CNOT2: variants seen among roughly 807,000 people sequenced by gnomAD.
CNOT2 encodes CCR4-NOT transcription complex subunit 2.
CNOT2 carries 7 observed loss-of-function variants against 72.1 expected under a neutral mutation model. The observed-to-expected ratio is 0.10, with a 90% CI of 0.06 to 0.18. The LOEUF is 0.18. Among genes scored for constraint, CNOT2 ranks in the 10% least tolerant of loss-of-function variants. The probability of loss-of-function intolerance (pLI) is 1.00; values close to 1 mark genes in which losing one functional copy is unlikely to be tolerated. For synonymous variants in CNOT2, 196 were observed against 225.6 expected (o/e 0.87, Z 1.17); for missense variants, 345 against 660.3 (o/e 0.52, Z 5.23).
chr12:70,313,042 C>T (rs1482912983), intron 3 of CNOT2, among the ~76,000 whole-genome samples: 1 of 151,838 alleles, frequency 6.6e-6, no homozygotes, highest in Non-Finnish European at 1.5e-5. Flanking sequence ...CTGTAATCAC[C>T]ACTCTCCATG....
At chr12:70,311,921 C>T (rs767419222) in intron 3 of CNOT2, among the ~76,000 whole-genome samples, 12 of 151,942 alleles carry the variant, frequency 7.9e-5, no homozygotes, top group Non-Finnish European at 1.8e-4. Flanking sequence ...TGAAGTTGAT[C>T]ATTAGTAAAT....
intron 1 of CNOT2, among the ~76,000 whole-genome samples, chr12:70,261,309 T>C (rs1313357034): frequency 3.5e-5 from 4 of 114,106 alleles, no homozygotes; most frequent in East Asian, 2.7e-4. Flanking sequence ...TTCTTTCTTT[T>C]TTTTTTTTTT....
At chr12:70,314,436 G>T (rs1012680553) in intron 3 of CNOT2, among the ~76,000 whole-genome samples, 4 of 152,012 alleles carry the variant, frequency 2.6e-5, no homozygotes, top group Non-Finnish European at 5.9e-5. Context: ...TGTGAGGGGG[G>T]CACTGAAGTG....
At chr12:70,348,103 TACAC>T (rs913098876) in intron 15 of CNOT2, 1 of 152,190 alleles carries the variant, frequency 6.6e-6, no homozygotes, top group African/African-American at 2.4e-5. Flanking sequence ...TATGTTTATA[TACAC>T]ACACACATGC....
At position 70,285,844 on chromosome 12, in the gene CNOT2, A is replaced by C. The variant is rs530340294; in HGVS notation, c.48+7570A>C. 3.8e-4 allele frequency among the ~76,000 whole-genome samples: 58 copies of C among 152,132 alleles called. 3 individuals carry two copies. Among genetic ancestry groups the C allele is most frequent in the Non-Finnish European group, 1.8e-4 (12 of 68,020 alleles). ...TGTAGTCAACAGGTATTCACTGGTA[A>C]GTACAATTAGCCAGTTTGAAATTGG... On this transcript the variant is annotated intron_variant, in intron 2 of 15. Transcript: ENST00000229195.
At chr12:70,327,403 A>G (rs1565815772) in intron 4 of CNOT2, 2 of 151,894 alleles carry the variant, frequency 1.3e-5, no homozygotes, top group Non-Finnish European at 2.9e-5. Context: ...CAGAGGTGCT[A>G]ATCGAGAGTT....
intron 2 of CNOT2, among the ~76,000 whole-genome samples, chr12:70,296,764 C>A (rs900136701): frequency 1.3e-5 from 2 of 148,552 alleles, no homozygotes; most frequent in Non-Finnish European, 1.5e-5. Context: ...TAAGCCCCCC[C>A]CCCTTTTTAA....
At position 70,254,321 on chromosome 12, in the gene CNOT2, ACTT is replaced by A. The variant is rs1157014984; in HGVS notation, c.-96+10845_-96+10847del. Among the ~76,000 whole-genome samples the A allele has an allele frequency of 1.2e-4, 18 of 152,136 alleles. No individual in the cohort carries two copies. In the East Asian group the frequency reaches 2.5e-3, roughly 21 times the overall value. ...TCTCTCAAAACACCTCTTGTACTGTACTTCTTGTGATCTGTCAGTCTGATAATC... is the reference window on the plus strand; with the variant it reads ...TCTCTCAAAACACCTCTTGTACTGTACTTGTGATCTGTCAGTCTGATAATC... On this transcript the variant is annotated intron_variant, in intron 1 of 15. Coordinates refer to ENST00000229195, the MANE Select transcript of CNOT2 (RefSeq NM_014515.7).
chr12:70,281,608 C>T (rs1869854754), intron 2 of CNOT2, among the ~76,000 whole-genome samples: 1 of 152,172 alleles, frequency 6.6e-6, no homozygotes, highest in African/African-American at 2.4e-5. Flanking sequence ...TAATGCCTCA[C>T]CTTTGTTCAC....
intron 1 of CNOT2, among the ~76,000 whole-genome samples, chr12:70,262,563 C>G (rs545270321): frequency 6.6e-6 from 1 of 152,240 alleles, no homozygotes; most frequent in African/African-American, 2.4e-5. Context: ...GCGTGAGCCA[C>G]GGCGCCCGGC....
At chr12:70,328,621 A>G (rs1879447969) in intron 4 of CNOT2, among the ~76,000 whole-genome samples, 1 of 151,844 alleles carries the variant, frequency 6.6e-6, no homozygotes, top group African/African-American at 2.4e-5. Flanking sequence ...TATGATCTGA[A>G]TAAAAACTCA....
intron 5 of CNOT2, 118 bp from the exon 6 acceptor site, chr12:70,330,169 T>C: frequency 1.9e-6 from 1 of 526,050 alleles, no homozygotes; most frequent in East Asian, 3.1e-5. Context: ...TAATAAAAAT[T>C]AGAACTGCAA....
chr12:70,248,163 G>A (rs1249952183), intron 1 of CNOT2, among the ~76,000 whole-genome samples: 1 of 152,142 alleles, frequency 6.6e-6, no homozygotes, highest in Admixed American at 6.5e-5. Flanking sequence ...ATGTTTACCA[G>A]TACTTACCCA....
intron 2 of CNOT2, among the ~76,000 whole-genome samples, chr12:70,280,160 A>G (rs146378611): frequency 6.6e-6 from 1 of 152,198 alleles, no homozygotes; most frequent in African/African-American, 2.4e-5. Flanking sequence ...TATATTCATC[A>G]TAATACCAAA....
At chr12:70,304,797 C>T (rs1001610594) in intron 2 of CNOT2, among the ~76,000 whole-genome samples, 2 of 152,228 alleles carry the variant, frequency 1.3e-5, no homozygotes, top group African/African-American at 2.4e-5. Flanking sequence ...GCAGGCAGGC[C>T]TCCTTGAGCT....
intron 2 of CNOT2, among the ~76,000 whole-genome samples, chr12:70,289,177 T>C (rs1485312171): frequency 6.6e-6 from 1 of 152,082 alleles, no homozygotes; most frequent in Non-Finnish European, 1.5e-5. Flanking sequence ...TAGGTTTTGT[T>C]TGAAAAGTCT....
intron 4 of CNOT2, among the ~76,000 whole-genome samples, chr12:70,320,604 A>G (rs938687679): frequency 3.3e-5 from 5 of 151,640 alleles, no homozygotes; most frequent in African/African-American, 1.2e-4. Flanking sequence ...ATTATTAGCT[A>G]GTAATTTATT....
At chr12:70,351,405 CTT>C (rs1882848417) in intron 15 of CNOT2, among the ~76,000 whole-genome samples, 1 of 152,048 alleles carries the variant, frequency 6.6e-6, no homozygotes, top group African/African-American at 2.4e-5. Context: ...ATCAAAGTAA[CTT>C]ATGTATTTTA....
At chr12:70,342,001 G>A in intron 11 of CNOT2, 106 bp from the exon 12 acceptor site, 2 of 784,250 alleles carry the variant, frequency 2.6e-6, no homozygotes, top group South Asian at 1.4e-5. Flanking sequence ...AAGGGAATTA[G>A]AAGTAAAGAT....
Sources: gnomAD v4.1 joint callset for allele counts (sites outside exome capture counted in the v4.1 genomes callset) on GRCh38, gnomAD v4.1.1 for gene constraint, MANE v1.5 for transcripts, NCBI Gene and HGNC (gene_info 2026-07-23, HGNC 2026-07-21) for gene names.